Variants in RYR2 observed in about 807,000 individuals in gnomAD.
The protein encoded by RYR2 is cardiac muscle ryanodine receptor-calcium release channel.
RYR2 carries 227 observed loss-of-function variants against 601.1 expected under a neutral mutation model. The observed-to-expected ratio is 0.38, with a 90% CI of 0.34 to 0.42. The LOEUF (loss-of-function observed/expected upper bound fraction) is 0.42. RYR2 is among the 10% of genes least tolerant of loss of function. RYR2 has a pLI of 1.00. For synonymous variants in RYR2, 2,223 were observed against 2,175.1 expected (o/e 1.02, Z -0.61); for missense variants, 4,646 against 6,156.5 (o/e 0.75, Z 8.21).
chr1:237,813,130 T>C lies in RYR2; in HGVS notation c.14433+4095T>C, dbSNP rs187407710. Among the ~76,000 whole-genome samples the C allele has an allele frequency of 4.2e-3, 640 of 152,190 alleles. 6 individuals are homozygous for C. Among genetic ancestry groups the C allele is most frequent in the African/African-American group, 0.015 (611 of 41,510 alleles). On this transcript the variant is annotated intron_variant, in intron 100 of 104. Coordinates refer to ENST00000366574, the MANE Select transcript of RYR2 (RefSeq NM_001035.3). ...AGCTGTGCTCAGAGCCTTTCTACCCTGTGACCCTGAAGGCAGGAGGGGAGT... is the reference window on the plus strand; with the variant it reads ...AGCTGTGCTCAGAGCCTTTCTACCCCGTGACCCTGAAGGCAGGAGGGGAGT...
intron 16 of RYR2, among the ~76,000 whole-genome samples, chr1:237,466,102 A>G (rs1660058890): frequency 6.6e-6 from 1 of 152,166 alleles, no homozygotes; most frequent in Non-Finnish European, 1.5e-5. Context: ...CTATGTATCT[A>G]TATCTTGAGA....
intron 27 of RYR2, among the ~76,000 whole-genome samples, chr1:237,565,115 T>C (rs1671842515): frequency 1.1e-4 from 1 of 8,764 alleles, no homozygotes; most frequent in African/African-American, 1.4e-4. Context: ...CTTTCTTTCT[T>C]TTTCTTTCTT....
chr1:237,669,032 A>C (rs1471528290), intron 58 of RYR2, among the ~76,000 whole-genome samples: 4 of 148,046 alleles, frequency 2.7e-5, no homozygotes, highest in Non-Finnish European at 4.5e-5. Context: ...GGCCTTCCGC[A>C]GTGTTTGTGT....
At chr1:237,143,685 A>G (rs1673640630) in intron 1 of RYR2, among the ~76,000 whole-genome samples, 1 of 151,884 alleles carries the variant, frequency 6.6e-6, no homozygotes, top group Non-Finnish European at 1.5e-5. Context: ...CTTCCTTCCT[A>G]ATCCTCTTGC....
At chr1:237,806,383 A>G (rs1290288710) in intron 99 of RYR2, 100 bp downstream of exon 99, 2 of 1,250,838 alleles carry the variant, frequency 1.6e-6, no homozygotes, top group African/African-American at 3.0e-5. Flanking sequence ...GTACAGTTTT[A>G]AAGATTTTTT....
chr1:237,061,261 T>TATC (rs1558163724), intron 1 of RYR2, among the ~76,000 whole-genome samples: 1,518 of 89,542 alleles, frequency 0.017, 5 homozygotes, highest in African/African-American at 0.022. Flanking sequence ...ATCATCTATC[T>TATC]ATCTATCCAT....
intron 94 of RYR2, among the ~76,000 whole-genome samples, chr1:237,792,729 AATT>A (rs1363590460): frequency 6.6e-6 from 1 of 152,156 alleles, no homozygotes; most frequent in East Asian, 1.9e-4. Context: ...ATATACTGAT[AATT>A]ATTCACATAG....
At chr1:237,090,133 G>T (rs545202697) in intron 1 of RYR2, among the ~76,000 whole-genome samples, 7 of 152,074 alleles carry the variant, frequency 4.6e-5, no homozygotes, top group African/African-American at 1.7e-4. Context: ...CAGCATGGGG[G>T]AAACCGCCCC....
chr1:237,479,893 C>A (rs950309363), intron 17 of RYR2, among the ~76,000 whole-genome samples: 1 of 152,160 alleles, frequency 6.6e-6, no homozygotes, highest in Non-Finnish European at 1.5e-5. Flanking sequence ...TGAGGCTACA[C>A]AGCTCAGATG....
chr1:237,104,497 G>A (rs550749394), intron 1 of RYR2, among the ~76,000 whole-genome samples: 44 of 152,278 alleles, frequency 2.9e-4, no homozygotes, highest in African/African-American at 9.9e-4. Context: ...CCGGCATGGT[G>A]AGTTGACCAA....
At chr1:237,486,821 A>G (rs544665249) in intron 17 of RYR2, among the ~76,000 whole-genome samples, 1 of 152,312 alleles carries the variant, frequency 6.6e-6, no homozygotes, top group South Asian at 2.1e-4. Flanking sequence ...TTTAGGTAAT[A>G]ACTTCTGGTC....
Position 237,678,089 on chromosome 1 carries a change from C to G in RYR2, c.8872C>G (p.Gln2958Glu). ...CAAAGGAGAACATTTCCCTTATGAA[C>G]AAGAAATCAAGTTCTTTGCAAAAGT... The part of the protein sequence containing the change: ...RGKGEHFPYE[Q>E]EIKFFAKVVL... Residue 2958 changes from glutamine to glutamate, a missense_variant, in exon 61 of 105, where the codon CAA (glutamine) becomes GAA (glutamate). Coordinates refer to ENST00000366574, the MANE Select transcript of RYR2 (RefSeq NM_001035.3). 6.2e-7 allele frequency: 1 copy of G among 1,602,386 alleles called. No homozygotes were observed. The highest frequency in any genetic ancestry group is 8.5e-7 in the Non-Finnish European group (1 of 1,171,006).
chr1:237,792,333 T>C lies in RYR2; in HGVS notation c.13782+10T>C. 2 of 1,573,426 alleles carry C rather than the reference T, an allele frequency of 1.3e-6. No individual in the cohort carries two copies. The highest frequency in any genetic ancestry group is 1.7e-6 in the Non-Finnish European group (2 of 1,149,378). On this transcript the variant is annotated intron_variant, in intron 94 of 104. Coordinates refer to ENST00000366574, the MANE Select transcript of RYR2 (RefSeq NM_001035.3). ...ATACTACTGCTTGAAAGTAAGATAG[T>C]AAGGCACCAAGGTACCTGTGTGTGT...
At chr1:237,686,020 C>G (rs1453350612) in intron 62 of RYR2, among the ~76,000 whole-genome samples, 1 of 152,208 alleles carries the variant, frequency 6.6e-6, no homozygotes, top group Non-Finnish European at 1.5e-5. Flanking sequence ...GTCAACCTCA[C>G]AAACGTTACC....
At chr1:237,803,311 C>CTT (rs10637217) in intron 98 of RYR2, among the ~76,000 whole-genome samples, 16 of 148,030 alleles carry the variant, frequency 1.1e-4, no homozygotes, top group African/African-American at 2.3e-4. Flanking sequence ...TTGCATTTTT[C>CTT]TTTTTTTTTT....
intron 27 of RYR2, among the ~76,000 whole-genome samples, chr1:237,563,112 A>T (rs1231207032): frequency 6.6e-6 from 1 of 152,144 alleles, no homozygotes; most frequent in Non-Finnish European, 1.5e-5. Context: ...TAACTTAATA[A>T]ATATATACTA....
intron 4 of RYR2, among the ~76,000 whole-genome samples, chr1:237,357,842 G>A (rs1261599859): frequency 6.6e-6 from 1 of 152,124 alleles, no homozygotes; most frequent in Non-Finnish European, 1.5e-5. Context: ...TATCATGTCA[G>A]TGCTAAAACA....
Position 237,577,826 on chromosome 1 carries a change from A to G in RYR2, c.3598+8507A>G, listed in dbSNP as rs145257138. 8.0e-3 allele frequency among the ~76,000 whole-genome samples: 1,225 copies of G among 152,288 alleles called. 12 individuals are homozygous for G. The highest frequency in any genetic ancestry group is 0.031 in the Middle Eastern group (9 of 294). ...TATTTTGAAATTCTTCTTTTGAGAC[A>G]GAGTCTTACTCTGTCACCCAGGCTG... On this transcript the variant is annotated intron_variant, in intron 29 of 104. Coordinates refer to ENST00000366574, the MANE Select transcript of RYR2 (RefSeq NM_001035.3).
At chr1:237,754,422 A>ATTGT (rs1212730518) in intron 80 of RYR2, among the ~76,000 whole-genome samples, 1 of 151,976 alleles carries the variant, frequency 6.6e-6, no homozygotes, top group Non-Finnish European at 1.5e-5. Flanking sequence ...CAAATGGCAA[A>ATTGT]TTGTTGTTTT....
Sources: gnomAD v4.1 joint callset for allele counts (sites outside exome capture counted in the v4.1 genomes callset) on GRCh38, gnomAD v4.1.1 for gene constraint, MANE v1.5 for transcripts, NCBI Gene and HGNC (gene_info 2026-07-23, HGNC 2026-07-21) for gene names.